The following GPHN variants were observed in gnomAD, a reference collection of about 807,000 sequenced individuals.
GPHN encodes gephyrin.
GPHN carries 17 observed loss-of-function variants against 95.5 expected under a neutral mutation model. The ratio of observed to expected loss-of-function variants is 0.18; its 90% confidence interval spans 0.12 to 0.27. GPHN has a LOEUF of 0.27. Ranked by LOEUF, GPHN falls within the 10% of genes least tolerant of loss-of-function variation. The pLI is 1.00. For synonymous variants in GPHN, 320 were observed against 322.5 expected (o/e 0.99, Z 0.08); for missense variants, 660 against 978.1 (o/e 0.67, Z 4.34).
chr14:67,292,639 C>T, the GPHN span: 3 of 1,613,656 alleles, frequency 1.9e-6, no homozygotes, highest in Non-Finnish European at 2.5e-6. Flanking sequence ...ATTTAAGATA[C>T]ACAATGCCAT....
the GPHN span, among the ~76,000 whole-genome samples, chr14:67,299,649 C>T: frequency 2.0e-5 from 3 of 152,042 alleles, no homozygotes; most frequent in Admixed American, 6.6e-5. Flanking sequence ...TCCTTAACAC[C>T]GTTGTAGAAG....
At chr14:66,877,054 T>A (rs1240210258) in intron 4 of GPHN, among the ~76,000 whole-genome samples, 2 of 152,166 alleles carry the variant, frequency 1.3e-5, no homozygotes, top group African/African-American at 2.4e-5. Context: ...TCAAGTCAGC[T>A]TCATCCCTGG....
the GPHN span, among the ~76,000 whole-genome samples, chr14:67,705,310 A>G: frequency 6.6e-6 from 1 of 152,270 alleles, no homozygotes; most frequent in African/African-American, 2.4e-5. Flanking sequence ...TAAGACAATC[A>G]GTAACACTTC....
At chr14:67,680,870 C>G in the GPHN span, among the ~76,000 whole-genome samples, 1 of 152,194 alleles carries the variant, frequency 6.6e-6, no homozygotes, top group African/African-American at 2.4e-5. Context: ...AATTTCAAAA[C>G]TTACTACAAT....
At chr14:66,708,668 G>A (rs1419977411) in intron 2 of GPHN, among the ~76,000 whole-genome samples, 3 of 152,100 alleles carry the variant, frequency 2.0e-5, no homozygotes, top group African/African-American at 7.2e-5. Flanking sequence ...CTGAGAGATT[G>A]CCAGATTTGC....
chr14:67,494,073 T>C, the GPHN span, among the ~76,000 whole-genome samples: 1 of 152,000 alleles, frequency 6.6e-6, no homozygotes, highest in Non-Finnish European at 1.5e-5. Context: ...ACCTCCACCA[T>C]AAGCCTTAAG....
At chr14:67,456,781 T>C in the GPHN span, among the ~76,000 whole-genome samples, 1 of 152,330 alleles carries the variant, frequency 6.6e-6, no homozygotes, top group African/African-American at 2.4e-5. Context: ...TACTGGGTTA[T>C]ATACCCAAAG....
At chr14:66,593,461 C>T (rs1375227580) in intron 1 of GPHN, among the ~76,000 whole-genome samples, 1 of 151,988 alleles carries the variant, frequency 6.6e-6, no homozygotes, top group Non-Finnish European at 1.5e-5. Flanking sequence ...GGCAAGAGAG[C>T]ATGTAATGGA....
intron 3 of GPHN, among the ~76,000 whole-genome samples, chr14:66,780,007 G>C (rs995769608): frequency 2.0e-5 from 3 of 152,010 alleles, no homozygotes; most frequent in African/African-American, 7.3e-5. Flanking sequence ...GGCTAGAGAA[G>C]AAAACAAGAT....
chr14:67,628,980 T>C, the GPHN span, among the ~76,000 whole-genome samples: 2,682 of 152,322 alleles, frequency 0.018, 68 homozygotes, highest in African/African-American at 0.054. Flanking sequence ...CAAGTGTCCA[T>C]TGATGGATGA....
chr14:67,724,368 T>C, the GPHN span: 23 of 870,396 alleles, frequency 2.6e-5, no homozygotes, highest in Non-Finnish European at 4.0e-5. Flanking sequence ...AACTTAAAGA[T>C]ACCCTTCTTT....
chr14:67,280,923 G>T, the GPHN span, among the ~76,000 whole-genome samples: 1 of 140,620 alleles, frequency 7.1e-6, no homozygotes, highest in East Asian at 2.2e-4. Flanking sequence ...TTGAGGTGGA[G>T]TCTTGCTCTG....
intron 8 of GPHN, among the ~76,000 whole-genome samples, chr14:66,928,060 A>G (rs957420212): frequency 6.6e-6 from 1 of 152,206 alleles, no homozygotes; most frequent in Non-Finnish European, 1.5e-5. Context: ...TAGAATGAGT[A>G]TAGAAGTATT....
chr14:66,665,707 C>G (rs1034566095), intron 1 of GPHN, among the ~76,000 whole-genome samples: 1 of 152,150 alleles, frequency 6.6e-6, no homozygotes. Context: ...CCTCAGGGAT[C>G]TAGAACTAGA....
At chr14:67,586,832 G>C in the GPHN span, 1 of 1,481,438 alleles carries the variant, frequency 6.8e-7, no homozygotes, top group Non-Finnish European at 9.0e-7. Flanking sequence ...CAGAACACTG[G>C]GCCTCCTTTT....
At chr14:67,158,065 G>A (rs2081717917) in intron 18 of GPHN, among the ~76,000 whole-genome samples, 1 of 152,056 alleles carries the variant, frequency 6.6e-6, no homozygotes. Flanking sequence ...CCAGCACTTT[G>A]GGAGGCCGAG....
At chr14:67,618,844 G>A in the GPHN span, among the ~76,000 whole-genome samples, 1 of 152,176 alleles carries the variant, frequency 6.6e-6, no homozygotes, top group Non-Finnish European at 1.5e-5. Context: ...AAAATAAAAT[G>A]TCTTAGGGTA....
At chr14:67,142,670 C>T (rs1475216831) in intron 17 of GPHN, among the ~76,000 whole-genome samples, 1 of 152,096 alleles carries the variant, frequency 6.6e-6, no homozygotes, top group Non-Finnish European at 1.5e-5. Flanking sequence ...TTCTAGGGAT[C>T]CTCCCCCCTC....
At chr14:67,024,273 T>A (rs898042687) in intron 10 of GPHN, among the ~76,000 whole-genome samples, 1 of 152,234 alleles carries the variant, frequency 6.6e-6, no homozygotes, top group East Asian at 1.9e-4. Flanking sequence ...AGGTTTTCCT[T>A]ATCTGTACCT....
Sources: gnomAD v4.1 joint callset for allele counts (sites outside exome capture counted in the v4.1 genomes callset) on GRCh38, gnomAD v4.1.1 for gene constraint, MANE v1.5 for transcripts, NCBI Gene and HGNC (gene_info 2026-07-23, HGNC 2026-07-21) for gene names.